WWOX: variants seen among roughly 807,000 people sequenced by gnomAD.
The protein encoded by WWOX is WW domain containing oxidoreductase.
WWOX carries 69 observed loss-of-function variants against 46.2 expected under a neutral mutation model. The ratio of observed to expected loss-of-function variants is 1.49; its 90% CI spans 1.23 to 1.82. The LOEUF (loss-of-function observed/expected upper bound fraction) is 1.82, where lower values mean the gene tolerates loss of function less well. WWOX is among the 40% of genes most tolerant of loss of function. The probability of loss-of-function intolerance (pLI) is 0.00; values close to 1 mark genes in which losing one functional copy is unlikely to be tolerated. For synonymous variants in WWOX, 359 were observed against 202.6 expected (o/e 1.77, Z -6.56); for missense variants, 919 against 542.6 (o/e 1.69, Z -6.89).
At chr16:78,454,929 A>T (rs79967869) in intron 8 of WWOX, among the ~76,000 whole-genome samples, 2 of 152,194 alleles carry the variant, frequency 1.3e-5, no homozygotes, top group Non-Finnish European at 2.9e-5. Flanking sequence ...CACTGCCCCA[A>T]TACTGTTTGA....
chr16:79,055,396 G>T (rs925622150), intron 8 of WWOX, among the ~76,000 whole-genome samples: 5 of 152,068 alleles, frequency 3.3e-5, no homozygotes, highest in Admixed American at 3.3e-4. Flanking sequence ...TTGACCAATG[G>T]AATGTGGCTG....
chr16:78,382,121 C>G (rs989964836), intron 5 of WWOX, among the ~76,000 whole-genome samples: 1 of 152,130 alleles, frequency 6.6e-6, no homozygotes, highest in African/African-American at 2.4e-5. Context: ...TGGCCTGAAA[C>G]AAGCCCAGAG....
intron 8 of WWOX, chr16:78,506,701 T>TG (rs2085214518): frequency 1.4e-4 from 1 of 7,292 alleles, no homozygotes; most frequent in Non-Finnish European, 3.7e-4. Flanking sequence ...GTGTGTTTTT[T>TG]TTTTTTTTTT....
chr16:78,886,081 C>T (rs1168880497), intron 8 of WWOX, among the ~76,000 whole-genome samples: 1 of 151,906 alleles, frequency 6.6e-6, no homozygotes, highest in Non-Finnish European at 1.5e-5. Context: ...CTCGCCACCA[C>T]ACCAGGCTAA....
chr16:78,201,508 G>A (rs2036228621), intron 5 of WWOX, among the ~76,000 whole-genome samples: 1 of 152,072 alleles, frequency 6.6e-6, no homozygotes, highest in Non-Finnish European at 1.5e-5. Context: ...AGGCAAGAGA[G>A]AAGTAGATAT....
intron 8 of WWOX, among the ~76,000 whole-genome samples, chr16:78,885,247 GAA>G (rs35869310): frequency 1.4e-5 from 2 of 145,208 alleles, no homozygotes; most frequent in African/African-American, 2.6e-5. Flanking sequence ...AAGGAACACT[GAA>G]AAAAAAAATA....
chr16:78,930,860 C>G (rs574843422), intron 8 of WWOX, among the ~76,000 whole-genome samples: 2 of 152,194 alleles, frequency 1.3e-5, no homozygotes, highest in African/African-American at 4.8e-5. Context: ...GTGACAAAGA[C>G]AAGGAGAATG....
chr16:78,212,104 G>C (rs1402544578), intron 5 of WWOX, among the ~76,000 whole-genome samples: 1 of 152,168 alleles, frequency 6.6e-6, no homozygotes, highest in East Asian at 1.9e-4. Flanking sequence ...TGCAGGGCCG[G>C]GAACTGCCCT....
At chr16:78,831,199 CTGTGACTTTCGAGGTCATGTT>C (rs138378518) in intron 8 of WWOX, among the ~76,000 whole-genome samples, 6,533 of 152,244 alleles carry the variant, frequency 0.043, 156 homozygotes, top group East Asian at 0.065. Flanking sequence ...AGCACCATCT[CTGTGACTTTCGAGGTCATGTT>C]TTCCCTCCAG....
intron 8 of WWOX, among the ~76,000 whole-genome samples, chr16:79,142,927 C>T (rs1425499554): frequency 6.6e-6 from 1 of 152,258 alleles, no homozygotes; most frequent in East Asian, 1.9e-4. Flanking sequence ...TGATCTTGAA[C>T]TCCTGGGCTC....
In WWOX at chr16:78,413,805, C is replaced by T. The variant is rs1013303308; in HGVS notation, c.606-11065C>T. The stretch of plus-strand genomic sequence containing the variant: ...GCCAAAGGACTGGTTGGCAGGTCTG[C>T]ATGGGGCCACCGTGTTGTCAGAAAT... On this transcript the variant is annotated intron_variant, in intron 6 of 8. Coordinates refer to ENST00000566780, the MANE Select transcript of WWOX (RefSeq NM_016373.4). Among the ~76,000 whole-genome samples, 8 of 151,998 alleles carry T rather than the reference C, an allele frequency of 5.3e-5. No homozygotes were observed. In the East Asian group the frequency reaches 7.8e-4, roughly 15 times the overall value.
chr16:78,949,515 G>C (rs1243634238), intron 8 of WWOX, among the ~76,000 whole-genome samples: 2 of 152,130 alleles, frequency 1.3e-5, no homozygotes, highest in African/African-American at 4.8e-5. Flanking sequence ...TGATGAGTGT[G>C]TTCAGAGTCA....
chr16:78,115,431 A>C (rs1256739703), intron 4 of WWOX, among the ~76,000 whole-genome samples: 2 of 152,206 alleles, frequency 1.3e-5, no homozygotes, highest in Non-Finnish European at 2.9e-5. Context: ...GGCTCCGTCT[A>C]AGAGTTTTTG....
At chr16:79,015,473 T>G (rs568085303) in intron 8 of WWOX, among the ~76,000 whole-genome samples, 2 of 152,324 alleles carry the variant, frequency 1.3e-5, no homozygotes, top group East Asian at 1.9e-4. Context: ...TGCTGCATAG[T>G]AGGTGCTCAA....
intron 8 of WWOX, among the ~76,000 whole-genome samples, chr16:78,762,549 C>A (rs1168952154): frequency 6.6e-6 from 1 of 152,194 alleles, no homozygotes; most frequent in African/African-American, 2.4e-5. Flanking sequence ...GAGCATAGGG[C>A]AGCACACTGC....
intron 8 of WWOX, among the ~76,000 whole-genome samples, chr16:78,924,428 A>T (rs2045451814): frequency 6.6e-6 from 1 of 152,226 alleles, no homozygotes. Flanking sequence ...CTAATGGCAG[A>T]ATGGAAAGAA....
At chr16:78,255,560 A>G (rs1387823531) in intron 5 of WWOX, among the ~76,000 whole-genome samples, 1 of 152,148 alleles carries the variant, frequency 6.6e-6, no homozygotes, top group Non-Finnish European at 1.5e-5. Context: ...TATAGGGGGC[A>G]TGTTTACTCT....
intron 8 of WWOX, chr16:78,890,345 T>G (rs35465866): frequency 0.42 from 56,166 of 134,970 alleles, 11,205 homozygotes; most frequent in Non-Finnish European, 0.44. Context: ...CCTCCATCAT[T>G]CTTAAATTTG....
intron 5 of WWOX, among the ~76,000 whole-genome samples, chr16:78,357,479 A>T (rs984141954): frequency 6.6e-6 from 1 of 152,136 alleles, no homozygotes; most frequent in African/African-American, 2.4e-5. Flanking sequence ...GGTCCCTTCA[A>T]TCTGTAACCT....
Sources: gnomAD v4.1 joint callset for allele counts (sites outside exome capture counted in the v4.1 genomes callset) on GRCh38, gnomAD v4.1.1 for gene constraint, MANE v1.5 for transcripts, NCBI Gene and HGNC (gene_info 2026-07-23, HGNC 2026-07-21) for gene names.